CALN1: variants seen among roughly 807,000 people sequenced by gnomAD.
CALN1 encodes calcium-binding protein 8.
A neutral mutation model predicts 30.6 loss-of-function variants in CALN1; 17 were observed. The ratio of observed to expected loss-of-function variants is 0.56; its 90% CI spans 0.38 to 0.83. The LOEUF is 0.83. CALN1 is among the 40% of genes least tolerant of loss of function. The pLI is 0.00. For synonymous variants in CALN1, 156 were observed against 131.4 expected (o/e 1.19, Z -1.28); for missense variants, 291 against 354.9 (o/e 0.82, Z 1.45).
chr7:72,094,179 T>C (rs1490054593), intron 4 of CALN1, among the ~76,000 whole-genome samples: 5 of 152,224 alleles, frequency 3.3e-5, no homozygotes, highest in Admixed American at 1.3e-4. Context: ...ATCTGGGGAA[T>C]AGGTGTAACA....
At chr7:72,291,825 T>C (rs142228339) in intron 2 of CALN1, among the ~76,000 whole-genome samples, 36 of 152,258 alleles carry the variant, frequency 2.4e-4, no homozygotes, top group Admixed American at 1.2e-3. Flanking sequence ...TTGGCCAGGC[T>C]GGTCTCGAAC....
At chr7:71,860,058 T>C (rs1348873050) in intron 5 of CALN1, among the ~76,000 whole-genome samples, 1 of 152,162 alleles carries the variant, frequency 6.6e-6, no homozygotes, top group Non-Finnish European at 1.5e-5. Flanking sequence ...TAACCCTTTA[T>C]CACAAACCCT....
intron 2 of CALN1, among the ~76,000 whole-genome samples, chr7:72,379,673 TGAG>T (rs1277154216): frequency 6.6e-6 from 1 of 152,248 alleles, no homozygotes; most frequent in Non-Finnish European, 1.5e-5. Context: ...GGACACTCAA[TGAG>T]GAGTTTTCTT....
chr7:72,202,914 T>C (rs376833086), intron 3 of CALN1, among the ~76,000 whole-genome samples: 23 of 152,270 alleles, frequency 1.5e-4, no homozygotes, highest in African/African-American at 4.6e-4. Flanking sequence ...CTATTTACAA[T>C]AGCAAAGACT....
chr7:71,980,152 C>T (rs1056961009), intron 5 of CALN1, among the ~76,000 whole-genome samples: 3 of 145,056 alleles, frequency 2.1e-5, no homozygotes, highest in African/African-American at 7.7e-5. Context: ...TGCAGGATTA[C>T]GGGCGTGAGC....
At chr7:71,924,193 CA>C (rs200454649) in intron 5 of CALN1, among the ~76,000 whole-genome samples, 7,054 of 76,798 alleles carry the variant, frequency 0.092, 509 homozygotes, top group African/African-American at 0.25. Context: ...AACTCAGTCT[CA>C]AAAAAAAAAA....
At chr7:71,863,064 A>G (rs1791384792) in intron 5 of CALN1, among the ~76,000 whole-genome samples, 1 of 152,060 alleles carries the variant, frequency 6.6e-6, no homozygotes, top group African/African-American at 2.4e-5. Context: ...GTTTGAGACC[A>G]GCCTGGGCAA....
rs528037991 is a variant in CALN1 at position 71,787,343 on chromosome 7, C to T, written c.*432G>A. On this transcript the variant is annotated 3_prime_UTR_variant, in exon 7 of 7. Coordinates refer to ENST00000395275, the MANE Select transcript of CALN1 (RefSeq NM_031468.4). ...TCAGCCTCTTGGAACTGAGGGTTGACCTCAGCAGAGAGTCTCCTGTTGACC... is the reference window on the plus strand; with the variant it reads ...TCAGCCTCTTGGAACTGAGGGTTGATCTCAGCAGAGAGTCTCCTGTTGACC... 1 of 166,256 alleles carries T rather than the reference C, an allele frequency of 6.0e-6. No homozygotes were observed. Among genetic ancestry groups the T allele is most frequent in the South Asian group, 1.6e-4 (1 of 6,088 alleles). The allele number at this position is 166,256 out of a possible 1,614,324, so 10.3% of individuals were successfully genotyped here.
At chr7:72,368,812 T>TC (rs1804039799) in intron 2 of CALN1, among the ~76,000 whole-genome samples, 3 of 138,116 alleles carry the variant, frequency 2.2e-5, no homozygotes, top group African/African-American at 8.4e-5. Context: ...TGAAACCCTT[T>TC]TTTTTTTTTT....
At chr7:72,013,395 G>A (rs1320110972) in intron 5 of CALN1, among the ~76,000 whole-genome samples, 1 of 151,512 alleles carries the variant, frequency 6.6e-6, no homozygotes, top group Non-Finnish European at 1.5e-5. Flanking sequence ...GGGACCACAG[G>A]TGCATGACAC....
At chr7:72,194,798 G>A (rs1325161353) in intron 3 of CALN1, among the ~76,000 whole-genome samples, 1 of 151,706 alleles carries the variant, frequency 6.6e-6, no homozygotes, top group Non-Finnish European at 1.5e-5. Context: ...CACCATGTTG[G>A]CCAGGATGGT....
At chr7:72,334,825 T>C (rs760069218) in intron 2 of CALN1, among the ~76,000 whole-genome samples, 3 of 152,218 alleles carry the variant, frequency 2.0e-5, no homozygotes, top group African/African-American at 7.2e-5. Flanking sequence ...TTCACCATTG[T>C]AGAACAGCTT....
At chr7:72,243,879 A>G (rs776174587) in intron 3 of CALN1, among the ~76,000 whole-genome samples, 4 of 152,198 alleles carry the variant, frequency 2.6e-5, no homozygotes, top group Admixed American at 2.0e-4. Context: ...CTGCTGAAAC[A>G]TATGACATAC....
At chr7:71,836,615 T>C (rs1789617472) in intron 5 of CALN1, among the ~76,000 whole-genome samples, 1 of 134,808 alleles carries the variant, frequency 7.4e-6, no homozygotes, top group South Asian at 2.3e-4. Context: ...ATTATTTCTC[T>C]CTGTCTCTTT....
Position 72,294,145 on chromosome 7 carries a change from A to G in CALN1, c.120-15335T>C, listed in dbSNP as rs889264029. 8.5e-5 allele frequency among the ~76,000 whole-genome samples: 13 copies of G among 152,142 alleles called. 1 individual carries two copies. Among genetic ancestry groups the G allele is most frequent in the African/African-American group, 2.7e-4 (11 of 41,424 alleles). Reference sequence around the variant, plus strand: ...TTCAGAATAATAATGGCTTCTGAAGATTCCTCCAGAAGCAACCACAAAAAC... The same window carrying G: ...TTCAGAATAATAATGGCTTCTGAAGGTTCCTCCAGAAGCAACCACAAAAAC... On this transcript the variant is annotated intron_variant, in intron 2 of 6. Transcript: ENST00000395275.
chr7:72,303,513 C>T (rs1035152679), intron 2 of CALN1, among the ~76,000 whole-genome samples: 3 of 150,572 alleles, frequency 2.0e-5, no homozygotes, highest in East Asian at 1.9e-4. Flanking sequence ...GCCAAGATCG[C>T]GCCATTGCAC....
intron 3 of CALN1, among the ~76,000 whole-genome samples, chr7:72,167,764 C>T (rs1193990756): frequency 6.6e-6 from 1 of 152,208 alleles, no homozygotes; most frequent in Non-Finnish European, 1.5e-5. Flanking sequence ...TTGTAGGATG[C>T]ACTTGACATC....
At chr7:72,022,807 T>C (rs186793332) in intron 5 of CALN1, among the ~76,000 whole-genome samples, 28 of 151,580 alleles carry the variant, frequency 1.8e-4, no homozygotes, top group Admixed American at 6.6e-4. Context: ...TTGTTGGTTC[T>C]ATGCAAGATG....
intron 2 of CALN1, among the ~76,000 whole-genome samples, chr7:72,354,109 C>T (rs1562916223): frequency 6.6e-6 from 1 of 152,120 alleles, no homozygotes; most frequent in Non-Finnish European, 1.5e-5. Context: ...ATCACTTGAA[C>T]CCAAGAGGGG....
Sources: gnomAD v4.1 joint callset for allele counts (sites outside exome capture counted in the v4.1 genomes callset) on GRCh38, gnomAD v4.1.1 for gene constraint, MANE v1.5 for transcripts, NCBI Gene and HGNC (gene_info 2026-07-23, HGNC 2026-07-21) for gene names.